The following TMCC1 variants were observed in gnomAD, a reference collection of about 807,000 sequenced individuals.
TMCC1 encodes the protein transmembrane and coiled-coil domains protein 1.
In TMCC1, 15 loss-of-function variants were observed where a neutral mutation model predicts 52.4. The ratio of observed to expected loss-of-function variants is 0.29; its 90% CI spans 0.19 to 0.44. TMCC1 has a LOEUF of 0.44. Among genes scored for constraint, TMCC1 ranks in the 20% least tolerant of loss-of-function variants. TMCC1 has a pLI of 1.00. For missense variants in TMCC1, 503 were observed against 806.0 expected, an observed-to-expected ratio of 0.62 and a Z score of 4.55; for synonymous variants, 279 against 301.9, an observed-to-expected ratio of 0.92 and a Z score of 0.79.
chr3:129,760,434 G>GTGTT (rs1362472751), intron 4 of TMCC1, among the ~76,000 whole-genome samples: 9 of 122,950 alleles, frequency 7.3e-5, no homozygotes, highest in African/African-American at 2.4e-4. Context: ...GTGTGTGTGT[G>GTGTT]TTTTTGAGAC....
chr3:129,665,671 T>C (rs186077480), intron 5 of TMCC1, among the ~76,000 whole-genome samples: 1 of 152,194 alleles, frequency 6.6e-6, no homozygotes, highest in Non-Finnish European at 1.5e-5. Flanking sequence ...TTCAACCATA[T>C]AGATTTCGGG....
At chr3:129,831,763 T>C (rs2107841963) in intron 3 of TMCC1, among the ~76,000 whole-genome samples, 1 of 152,320 alleles carries the variant, frequency 6.6e-6, no homozygotes, top group Non-Finnish European at 1.5e-5. Context: ...AGTCTCAAAG[T>C]TGTACAGGGA....
intron 4 of TMCC1, among the ~76,000 whole-genome samples, chr3:129,773,026 C>T (rs1218804539): frequency 6.6e-6 from 1 of 152,158 alleles, no homozygotes; most frequent in African/African-American, 2.4e-5. Flanking sequence ...AACCCAAAGA[C>T]ATACTGGCAA....
chr3:129,760,766 C>T (rs1028177052), intron 4 of TMCC1, among the ~76,000 whole-genome samples: 14 of 150,032 alleles, frequency 9.3e-5, no homozygotes, highest in Admixed American at 6.7e-4. Context: ...TGTGAGCCAC[C>T]GCACCCGGCT....
rs2086116630 is a variant in TMCC1, at chr3:129,647,925, AACGTTCAC to A, written c.*3548_*3555del. On this transcript the variant is annotated 3_prime_UTR_variant, in exon 7 of 7. Transcript: ENST00000393238. ...CTTAAGATCTATCAACTACAGTGTT[AACGTTCAC>A]ACGTTCACAAGTGTCATTTCTTTAC... is the stretch of plus-strand genomic sequence containing the variant. 8 of 152,786 alleles carry A rather than the reference AACGTTCAC, an allele frequency of 5.2e-5. No individual in the cohort carries two copies. The South Asian group carries it at 1.7e-3, about 32-fold the overall frequency. The allele number at this position is 152,786 out of a possible 1,614,324, so 9.5% of individuals were successfully genotyped here.
chr3:129,692,709 A>C (rs781219660), intron 4 of TMCC1, among the ~76,000 whole-genome samples: 1 of 152,250 alleles, frequency 6.6e-6, no homozygotes, highest in Non-Finnish European at 1.5e-5. Context: ...ACAGGTGGTT[A>C]TAACTACACT....
rs534702146 is a variant in TMCC1, at chr3:129,714,590, C to G, written c.577-43326G>C. On this transcript the variant is annotated intron_variant, in intron 4 of 6. Transcript: ENST00000393238. ...CATATGTAACAACCCACACATATTC[C>G]CTTTTCTGTTAGAACTTTTGGAGCC... Among the ~76,000 whole-genome samples the G allele has an allele frequency of 3.3e-5, 5 of 152,194 alleles. No individual in the cohort carries two copies. In the East Asian group the frequency reaches 9.6e-4, roughly 29 times the overall value.
intron 4 of TMCC1, among the ~76,000 whole-genome samples, chr3:129,805,894 T>C (rs2107783185): frequency 6.6e-6 from 1 of 152,184 alleles, no homozygotes; most frequent in East Asian, 1.9e-4. Flanking sequence ...ATCTCACCAC[T>C]GCACTCCAGC....
intron 1 of TMCC1, among the ~76,000 whole-genome samples, chr3:129,886,861 C>T (rs1265446178): frequency 1.3e-5 from 2 of 151,606 alleles, no homozygotes; most frequent in Admixed American, 6.6e-5. Context: ...CCCTGGAACC[C>T]GGGAGGCGGA....
At chr3:129,857,584 C>T (rs941219507) in intron 2 of TMCC1, among the ~76,000 whole-genome samples, 12 of 151,354 alleles carry the variant, frequency 7.9e-5, no homozygotes, top group Admixed American at 2.6e-4. Flanking sequence ...CTTTTTGAGA[C>T]GGAGTCTCGC....
chr3:129,825,556 G>A (rs1249911486), intron 4 of TMCC1, among the ~76,000 whole-genome samples: 1 of 152,080 alleles, frequency 6.6e-6, no homozygotes, highest in Non-Finnish European at 1.5e-5. Flanking sequence ...AGGGGGTTGA[G>A]ACAGGGTCTT....
chr3:129,740,980 A>G (rs1001949909), intron 4 of TMCC1, among the ~76,000 whole-genome samples: 1 of 152,176 alleles, frequency 6.6e-6, no homozygotes, highest in Non-Finnish European at 1.5e-5. Flanking sequence ...GAGATCACCA[A>G]TCTCAGGACT....
chr3:129,679,027 T>C (rs973287686), intron 4 of TMCC1, among the ~76,000 whole-genome samples: 4 of 145,032 alleles, frequency 2.8e-5, no homozygotes, highest in African/African-American at 7.7e-5. Flanking sequence ...GTTCTTACAA[T>C]GGCCATGATC....
chr3:129,743,170 G>A (rs1297040885), intron 4 of TMCC1, among the ~76,000 whole-genome samples: 1 of 152,094 alleles, frequency 6.6e-6, no homozygotes, highest in Non-Finnish European at 1.5e-5. Flanking sequence ...AATGGGTGAG[G>A]TGTATGGTAT....
intron 4 of TMCC1, among the ~76,000 whole-genome samples, chr3:129,785,403 C>A (rs1300792674): frequency 1.3e-5 from 2 of 152,126 alleles, no homozygotes; most frequent in Non-Finnish European, 2.9e-5. Flanking sequence ...TGGGTGTTAT[C>A]TAAATACAGT....
chr3:129,760,028 A>T (rs543478527), intron 4 of TMCC1, among the ~76,000 whole-genome samples: 29 of 151,216 alleles, frequency 1.9e-4, no homozygotes, highest in Middle Eastern at 3.4e-3. Context: ...GCCCAAAAAA[A>T]TTTTTTTTAA....
intron 4 of TMCC1, among the ~76,000 whole-genome samples, chr3:129,789,079 T>G (rs2056261050): frequency 6.6e-6 from 1 of 152,154 alleles, no homozygotes; most frequent in Non-Finnish European, 1.5e-5. Flanking sequence ...CATAAAAGCA[T>G]AAGAAGGAAA....
chr3:129,809,521 C>G (rs191194455), intron 4 of TMCC1, among the ~76,000 whole-genome samples: 1 of 152,186 alleles, frequency 6.6e-6, no homozygotes, highest in East Asian at 1.9e-4. Context: ...TTCAGCCTTC[C>G]TTTGTCAGGA....
intron 4 of TMCC1, among the ~76,000 whole-genome samples, chr3:129,722,447 G>A (rs967125276): frequency 6.6e-6 from 1 of 151,980 alleles, no homozygotes; most frequent in Non-Finnish European, 1.5e-5. Context: ...CCACAAAACC[G>A]GTCCCTGGTG....
Sources: gnomAD v4.1 joint callset for allele counts (sites outside exome capture counted in the v4.1 genomes callset) on GRCh38, gnomAD v4.1.1 for gene constraint, MANE v1.5 for transcripts, NCBI Gene and HGNC (gene_info 2026-07-23, HGNC 2026-07-21) for gene names.